Variants in KIAA1217 observed in about 807,000 individuals in gnomAD.
KIAA1217 encodes the protein KIAA1217, also known as sickle tail protein homolog.
KIAA1217 carries 88 observed loss-of-function variants against 163.9 expected under a neutral mutation model. The ratio of observed to expected loss-of-function variants is 0.54; its 90% CI spans 0.45 to 0.64. The LOEUF (loss-of-function observed/expected upper bound fraction) is 0.64. KIAA1217 is among the 30% of genes least tolerant of loss of function. The pLI is 0.00. For synonymous variants in KIAA1217, 903 were observed against 923.1 expected (o/e 0.98, Z 0.39); for missense variants, 2,372 against 2,475.0 (o/e 0.96, Z 0.88).
At chr10:23,853,087 G>A (rs1336126709) in intron 1 of KIAA1217, among the ~76,000 whole-genome samples, 1 of 152,162 alleles carries the variant, frequency 6.6e-6, no homozygotes, top group East Asian at 1.9e-4. Context: ...TCCCTGTCTT[G>A]TGCCAGTTTT....
intron 3 of KIAA1217, among the ~76,000 whole-genome samples, chr10:24,384,177 T>C (rs749588538): frequency 5.3e-5 from 8 of 152,234 alleles, no homozygotes; most frequent in Non-Finnish European, 1.0e-4. Flanking sequence ...TGGGTGTCTT[T>C]TGGCATCTGT....
At chr10:24,172,684 C>G (rs143566914) in intron 2 of KIAA1217, among the ~76,000 whole-genome samples, 1 of 152,156 alleles carries the variant, frequency 6.6e-6, no homozygotes, top group Non-Finnish European at 1.5e-5. Flanking sequence ...ATTGAAATAA[C>G]CTGTTGAAGA....
Position 24,245,482 on chromosome 10 carries a change from G to A in KIAA1217, c.354+25573G>A, listed in dbSNP as rs914305753. On this transcript the variant is annotated intron_variant, in intron 2 of 20. Coordinates refer to ENST00000376454, the MANE Select transcript of KIAA1217 (RefSeq NM_019590.5). ...CTACTTGCCACTCAGAAGCAAATGGGCTGCAGCCTCATACGTTTTTGGAGT... is the reference window on the plus strand; with the variant it reads ...CTACTTGCCACTCAGAAGCAAATGGACTGCAGCCTCATACGTTTTTGGAGT... Among the ~76,000 whole-genome samples the A allele has an allele frequency of 2.0e-5, 3 of 152,254 alleles. No individual in the cohort carries two copies. The East Asian group carries it at 5.8e-4, about 29-fold the overall frequency.
At chr10:23,747,862 TC>T (rs963681237) in intron 1 of KIAA1217, among the ~76,000 whole-genome samples, 2 of 152,104 alleles carry the variant, frequency 1.3e-5, no homozygotes, top group African/African-American at 4.8e-5. Context: ...CACTTAGATT[TC>T]CCCAAGAATA....
chr10:24,532,254 A>G (rs1207094881), intron 15 of KIAA1217, among the ~76,000 whole-genome samples: 2 of 152,216 alleles, frequency 1.3e-5, no homozygotes, highest in African/African-American at 4.8e-5. Context: ...TGTGGGCATC[A>G]TAAGATTGAA....
intron 2 of KIAA1217, among the ~76,000 whole-genome samples, chr10:24,339,998 G>T (rs983475128): frequency 6.6e-6 from 1 of 152,134 alleles, no homozygotes; most frequent in African/African-American, 2.4e-5. Flanking sequence ...AGAGTGTTGC[G>T]AAGTCAGGAA....
At chr10:24,294,337 A>G (rs942340518) in intron 2 of KIAA1217, among the ~76,000 whole-genome samples, 4 of 151,986 alleles carry the variant, frequency 2.6e-5, no homozygotes, top group African/African-American at 9.7e-5. Context: ...AGCTTCTCAC[A>G]GTTTAAATTA....
intron 2 of KIAA1217, among the ~76,000 whole-genome samples, chr10:24,033,069 A>T (rs1232909100): frequency 6.6e-6 from 1 of 152,216 alleles, no homozygotes; most frequent in Non-Finnish European, 1.5e-5. Flanking sequence ...AACCCAAAAA[A>T]GTTCCTCTTG....
intron 2 of KIAA1217, among the ~76,000 whole-genome samples, chr10:24,106,755 T>C (rs1400514755): frequency 1.3e-5 from 2 of 152,218 alleles, no homozygotes; most frequent in African/African-American, 4.8e-5. Context: ...TCCATTTTCA[T>C]AATTTTTCTG....
At chr10:24,470,288 C>T (rs1043186507) in intron 5 of KIAA1217, among the ~76,000 whole-genome samples, 4 of 152,146 alleles carry the variant, frequency 2.6e-5, no homozygotes, top group Non-Finnish European at 4.4e-5. Context: ...CTGTGTCACG[C>T]GGTTGCCCAG....
chr10:24,126,232 A>G (rs1032391113), intron 2 of KIAA1217, among the ~76,000 whole-genome samples: 2 of 152,078 alleles, frequency 1.3e-5, no homozygotes, highest in African/African-American at 4.8e-5. Flanking sequence ...CTGCATTCTA[A>G]ATTGTTTCCT....
intron 1 of KIAA1217, among the ~76,000 whole-genome samples, chr10:23,919,830 C>T (rs1048855293): frequency 2.0e-5 from 3 of 152,222 alleles, no homozygotes; most frequent in East Asian, 1.9e-4. Context: ...TCAACTAGAA[C>T]GACTGCAAAA....
chr10:24,401,753 T>C (rs1350546520), intron 3 of KIAA1217, among the ~76,000 whole-genome samples: 1 of 152,202 alleles, frequency 6.6e-6, no homozygotes, highest in African/African-American at 2.4e-5. Flanking sequence ...ATAAAAGGCA[T>C]GTAGTTTGGG....
intron 1 of KIAA1217, among the ~76,000 whole-genome samples, chr10:23,754,525 A>C (rs568830363): frequency 6.6e-6 from 1 of 152,342 alleles, no homozygotes; most frequent in Non-Finnish European, 1.5e-5. Flanking sequence ...TCTTTGACGA[A>C]TATTGTTGGA....
chr10:23,849,752 G>A (rs1839214276), intron 1 of KIAA1217, among the ~76,000 whole-genome samples: 1 of 152,024 alleles, frequency 6.6e-6, no homozygotes. Flanking sequence ...TCATCTCTCT[G>A]TCTACTTTCC....
intron 2 of KIAA1217, among the ~76,000 whole-genome samples, chr10:24,177,510 C>A (rs1182859509): frequency 6.6e-6 from 1 of 151,234 alleles, no homozygotes; most frequent in Non-Finnish European, 1.5e-5. Context: ...ATAATGACTT[C>A]TTTTCCCCTG....
At chr10:23,920,512 A>T (rs1842811929) in intron 1 of KIAA1217, among the ~76,000 whole-genome samples, 1 of 152,230 alleles carries the variant, frequency 6.6e-6, no homozygotes, top group Non-Finnish European at 1.5e-5. Flanking sequence ...GTGCGTCATC[A>T]GATCACATTA....
intron 2 of KIAA1217, among the ~76,000 whole-genome samples, chr10:24,312,977 A>T (rs2042904423): frequency 6.6e-6 from 1 of 152,202 alleles, no homozygotes; most frequent in Admixed American, 6.5e-5. Flanking sequence ...TGCCAAGCAC[A>T]TAGGACTCAA....
intron 1 of KIAA1217, among the ~76,000 whole-genome samples, chr10:23,880,536 G>A (rs1564502270): frequency 6.6e-6 from 1 of 151,854 alleles, no homozygotes; most frequent in African/African-American, 2.4e-5. Context: ...CCTAGTATTT[G>A]CTAGGAAATC....
Sources: gnomAD v4.1 joint callset for allele counts (sites outside exome capture counted in the v4.1 genomes callset) on GRCh38, gnomAD v4.1.1 for gene constraint, MANE v1.5 for transcripts, NCBI Gene and HGNC (gene_info 2026-07-23, HGNC 2026-07-21) for gene names.